The following PRKG2 variants were observed in gnomAD, a reference collection of about 807,000 sequenced individuals.
The protein encoded by PRKG2 is protein kinase cGMP-dependent 2, also known as cGMP-dependent protein kinase 2.
Under a neutral mutation model 97.2 loss-of-function variants are expected in PRKG2, and 33 were observed. That is an observed-to-expected ratio of 0.34 (90% confidence interval 0.26 to 0.45). The LOEUF is 0.45. Among genes scored for constraint, PRKG2 ranks in the 20% least tolerant of loss-of-function variants. The pLI is 1.00. For synonymous variants in PRKG2, 330 were observed against 321.8 expected (o/e 1.03, Z -0.27); for missense variants, 638 against 900.0 (o/e 0.71, Z 3.73).
upstream of PRKG2, among the ~76,000 whole-genome samples, chr4:81,216,944 A>C: frequency 6.9e-6 from 1 of 145,576 alleles, no homozygotes; most frequent in African/African-American, 2.6e-5. Context: ...GTACCCCTGA[A>C]TCAAAAAAAA....
At chr4:81,205,746 C>T (rs935892232) in intron 1 of PRKG2, among the ~76,000 whole-genome samples, 3 of 152,186 alleles carry the variant, frequency 2.0e-5, no homozygotes, top group African/African-American at 7.2e-5. Context: ...ACGACCCATG[C>T]TGCAAGGCTC....
intron 12 of PRKG2, among the ~76,000 whole-genome samples, chr4:81,138,483 C>A (rs116116353): frequency 6.6e-6 from 1 of 151,998 alleles, no homozygotes; most frequent in African/African-American, 2.4e-5. Flanking sequence ...CAACTTCTGT[C>A]TTCTCATTGT....
chr4:81,098,774 C>T (rs1224678941), intron 17 of PRKG2, among the ~76,000 whole-genome samples: 1 of 152,024 alleles, frequency 6.6e-6, no homozygotes, highest in Non-Finnish European at 1.5e-5. Flanking sequence ...AATTACAATA[C>T]TAACATCAAA....
intron 2 of PRKG2, among the ~76,000 whole-genome samples, chr4:81,178,754 A>G (rs567494254): frequency 3.9e-5 from 6 of 152,102 alleles, no homozygotes; most frequent in Admixed American, 2.6e-4. Context: ...GAGAAGTTGA[A>G]CATACGTATA....
chr4:81,130,920 C>A (rs1314312678), intron 14 of PRKG2, among the ~76,000 whole-genome samples: 1 of 152,168 alleles, frequency 6.6e-6, no homozygotes, highest in Non-Finnish European at 1.5e-5. Context: ...CTTGCTTGTC[C>A]CCATGGGGGT....
intron 2 of PRKG2, among the ~76,000 whole-genome samples, chr4:81,191,155 T>C (rs1448799179): frequency 6.6e-6 from 1 of 152,120 alleles, no homozygotes; most frequent in African/African-American, 2.4e-5. Flanking sequence ...GCAGCACTGT[T>C]AGCAATAGCA....
At chr4:81,132,242 T>C (rs1000664515) in intron 14 of PRKG2, among the ~76,000 whole-genome samples, 3 of 152,190 alleles carry the variant, frequency 2.0e-5, no homozygotes, top group Non-Finnish European at 4.4e-5. Flanking sequence ...TATTTGTGTA[T>C]TACTTTGTAC....
chr4:81,172,093 T>G (rs1029904302), intron 3 of PRKG2, among the ~76,000 whole-genome samples: 2 of 151,884 alleles, frequency 1.3e-5, no homozygotes, highest in African/African-American at 4.8e-5. Flanking sequence ...TGAAATAAGT[T>G]AATCTAGGTA....
intron 2 of PRKG2, among the ~76,000 whole-genome samples, chr4:81,195,594 C>T (rs1034304979): frequency 3.9e-5 from 6 of 152,110 alleles, no homozygotes; most frequent in Admixed American, 6.6e-5. Context: ...ATTTCTGTCT[C>T]GATGAATTTG....
chr4:81,112,034 G>T (rs1744043824), intron 14 of PRKG2, among the ~76,000 whole-genome samples: 1 of 152,020 alleles, frequency 6.6e-6, no homozygotes, highest in Non-Finnish European at 1.5e-5. Flanking sequence ...ATGAGTCATT[G>T]AACTATAAAA....
intron 10 of PRKG2, 111 bp from the exon 11 acceptor site, chr4:81,143,058 T>C: frequency 3.8e-6 from 5 of 1,322,464 alleles, no homozygotes; most frequent in Non-Finnish European, 5.0e-6. Context: ...AACTATGATT[T>C]ATAGTTGCCA....
chr4:81,191,280 G>A (rs1752492107), intron 2 of PRKG2, among the ~76,000 whole-genome samples: 1 of 152,122 alleles, frequency 6.6e-6, no homozygotes, highest in African/African-American at 2.4e-5. Context: ...CATGTCCCTT[G>A]GAGGGACATG....
chr4:81,116,672 C>A (rs1017314063), intron 14 of PRKG2, among the ~76,000 whole-genome samples: 1 of 152,080 alleles, frequency 6.6e-6, no homozygotes, highest in Non-Finnish European at 1.5e-5. Context: ...TGCAACCCTG[C>A]CAGTATGTTA....
chr4:81,130,363 C>T (rs1334948469), intron 14 of PRKG2, among the ~76,000 whole-genome samples: 1 of 152,192 alleles, frequency 6.6e-6, no homozygotes, highest in Non-Finnish European at 1.5e-5. Context: ...CCTCTGGAAG[C>T]TTCATCCCAG....
chr4:81,108,041 C>T (rs1743527547), intron 15 of PRKG2, among the ~76,000 whole-genome samples: 1 of 151,826 alleles, frequency 6.6e-6, no homozygotes, highest in African/African-American at 2.4e-5. Flanking sequence ...CCTGTCTCTA[C>T]TAAAAATACA....
chr4:81,200,677 G>T (rs1343975714), intron 2 of PRKG2, among the ~76,000 whole-genome samples: 1 of 152,092 alleles, frequency 6.6e-6, no homozygotes, highest in Non-Finnish European at 1.5e-5. Context: ...TAACTCCCCA[G>T]TACCTGTGTC....
chr4:81,136,957 T>C (rs971080496), intron 13 of PRKG2, among the ~76,000 whole-genome samples: 1 of 152,212 alleles, frequency 6.6e-6, no homozygotes, highest in African/African-American at 2.4e-5. Context: ...TAAATATCTA[T>C]GATTTTAATT....
chr4:81,119,952 T>G (rs1341893416), intron 14 of PRKG2, among the ~76,000 whole-genome samples: 1 of 152,134 alleles, frequency 6.6e-6, no homozygotes, highest in Non-Finnish European at 1.5e-5. Flanking sequence ...TGAATTGAAT[T>G]TATAGATCAA....
chr4:81,115,251 C>T (rs916544284), intron 14 of PRKG2, among the ~76,000 whole-genome samples: 1 of 152,176 alleles, frequency 6.6e-6, no homozygotes, highest in Non-Finnish European at 1.5e-5. Context: ...GACCGCTCTA[C>T]ATCTTCACCA....
Sources: gnomAD v4.1 joint callset for allele counts (sites outside exome capture counted in the v4.1 genomes callset) on GRCh38, gnomAD v4.1.1 for gene constraint, MANE v1.5 for transcripts, NCBI Gene and HGNC (gene_info 2026-07-23, HGNC 2026-07-21) for gene names.